The following SUPT3H variants were observed in gnomAD, a reference collection of about 807,000 sequenced individuals.
The protein encoded by SUPT3H is transcription initiation protein SPT3 homolog.
In SUPT3H, 44 loss-of-function variants were observed where a neutral mutation model predicts 44.3. The observed-to-expected ratio is 0.99, with a 90% CI of 0.78 to 1.28. The LOEUF (loss-of-function observed/expected upper bound fraction) is 1.28. Ranked by LOEUF, SUPT3H falls within the 50% of genes most tolerant of loss-of-function variation. The pLI is 0.00. For missense variants in SUPT3H, 380 were observed against 387.1 expected (o/e 0.98, Z 0.15); for synonymous variants, 124 against 125.6 (o/e 0.99, Z 0.09).
chr6:45,118,169 A>T (rs1418851541), intron 2 of SUPT3H, among the ~76,000 whole-genome samples: 1 of 152,090 alleles, frequency 6.6e-6, no homozygotes, highest in Non-Finnish European at 1.5e-5. Flanking sequence ...ACTGAAACTC[A>T]TATTAACCTT....
At chr6:45,359,977 C>T (rs1793959993) in intron 2 of SUPT3H, among the ~76,000 whole-genome samples, 1 of 152,146 alleles carries the variant, frequency 6.6e-6, no homozygotes, top group African/African-American at 2.4e-5. Flanking sequence ...TTACTAATAA[C>T]CGAGCAATCA....
At chr6:45,185,540 A>G (rs1174435769) in intron 2 of SUPT3H, among the ~76,000 whole-genome samples, 2 of 152,346 alleles carry the variant, frequency 1.3e-5, no homozygotes, top group Admixed American at 6.5e-5. Flanking sequence ...ACAGCCTGCC[A>G]TAACTTTAAG....
chr6:44,917,083 G>C (rs1451882124), intron 10 of SUPT3H, among the ~76,000 whole-genome samples: 1 of 152,146 alleles, frequency 6.6e-6, no homozygotes, highest in Non-Finnish European at 1.5e-5. Context: ...GAGCCTGGGA[G>C]GTTGAGGCTG....
intron 2 of SUPT3H, among the ~76,000 whole-genome samples, chr6:45,139,449 G>C (rs917930709): frequency 6.6e-6 from 1 of 152,142 alleles, no homozygotes; most frequent in African/African-American, 2.4e-5. Flanking sequence ...CTCACACCAT[G>C]AGCTTTTGCT....
At position 44,923,149 on chromosome 6, in the gene SUPT3H, G is replaced by A. The variant is rs538103428; in HGVS notation, c.912+9504C>T. Among the ~76,000 whole-genome samples the A allele has an allele frequency of 5.3e-5, 8 of 152,048 alleles. No individual in the cohort carries two copies. The South Asian group carries it at 1.0e-3, about 20-fold the overall frequency. ...TTCTTCCTCTATTCCTCAAGATACA[G>A]TATACCTGTTATAACAAAAATAGAT... is the stretch of plus-strand genomic sequence containing the variant. On this transcript the variant is annotated intron_variant, in intron 10 of 10. Coordinates refer to ENST00000371459, the MANE Select transcript of SUPT3H (RefSeq NM_003599.4).
intron 2 of SUPT3H, among the ~76,000 whole-genome samples, chr6:45,138,557 T>C (rs1461426832): frequency 6.6e-6 from 1 of 152,142 alleles, no homozygotes; most frequent in Non-Finnish European, 1.5e-5. Context: ...AACATGAATG[T>C]CCCTCAAAAA....
At chr6:44,811,959 C>T (rs182109062) in intron 11 of SUPT3H, among the ~76,000 whole-genome samples, 95 of 151,964 alleles carry the variant, frequency 6.3e-4, no homozygotes, top group Non-Finnish European at 1.1e-3. Flanking sequence ...TAATCCTCAT[C>T]CCATAGTACA....
intron 2 of SUPT3H, among the ~76,000 whole-genome samples, chr6:45,329,368 T>C (rs1202369359): frequency 6.6e-6 from 1 of 151,978 alleles, no homozygotes; most frequent in Admixed American, 6.6e-5. Flanking sequence ...CAACTTTATA[T>C]AAGTATACAT....
At chr6:45,114,491 A>G (rs951500073) in intron 2 of SUPT3H, among the ~76,000 whole-genome samples, 12 of 152,110 alleles carry the variant, frequency 7.9e-5, no homozygotes, top group Non-Finnish European at 1.8e-4. Flanking sequence ...AAAAATATAT[A>G]AATCAGAAAA....
intron 10 of SUPT3H, among the ~76,000 whole-genome samples, chr6:44,895,061 C>G (rs1184827756): frequency 2.0e-5 from 3 of 151,906 alleles, no homozygotes; most frequent in African/African-American, 7.2e-5. Flanking sequence ...CCATTCAATA[C>G]TTAAACATTT....
intron 2 of SUPT3H, among the ~76,000 whole-genome samples, chr6:45,114,257 T>C (rs1800514520): frequency 6.6e-6 from 1 of 152,044 alleles, no homozygotes; most frequent in Admixed American, 6.5e-5. Context: ...TTGGAACATA[T>C]CAGTGAACAA....
intron 4 of SUPT3H, among the ~76,000 whole-genome samples, chr6:45,017,685 G>A (rs1306824679): frequency 1.4e-5 from 2 of 147,598 alleles, no homozygotes; most frequent in African/African-American, 5.0e-5. Context: ...TGAGGGCTCT[G>A]TTCTGTTCCA....
At chr6:45,048,446 A>T (rs1479412172) in intron 3 of SUPT3H, among the ~76,000 whole-genome samples, 4 of 152,064 alleles carry the variant, frequency 2.6e-5, no homozygotes. Context: ...TTGCATATGA[A>T]ATAAGAGTCT....
At chr6:45,165,698 T>C (rs541529163) in intron 2 of SUPT3H, among the ~76,000 whole-genome samples, 14 of 151,120 alleles carry the variant, frequency 9.3e-5, no homozygotes, top group Admixed American at 2.0e-4. Flanking sequence ...AAACAGAATA[T>C]CAGAGATAAA....
intron 2 of SUPT3H, among the ~76,000 whole-genome samples, chr6:45,215,978 C>T (rs1199137788): frequency 1.3e-5 from 2 of 152,136 alleles, no homozygotes; most frequent in Non-Finnish European, 2.9e-5. Context: ...CAGGATTTCT[C>T]AGGAGAAATC....
chr6:44,932,643 T>C lies in SUPT3H; in HGVS notation c.912+10A>G. 1 of 1,578,542 alleles carries C rather than the reference T, an allele frequency of 6.3e-7. No individual in the cohort carries two copies. Among genetic ancestry groups the C allele is most frequent in the Non-Finnish European group, 8.7e-7 (1 of 1,155,714 alleles). ...TAAATATAACTTTTTATAACTCTGT[T>C]ATTACGTACTGTGAATGGGGAAAGT... On this transcript the variant is annotated intron_variant, in intron 10 of 10. Transcript: ENST00000371459.
chr6:45,068,481 A>T (rs915381007), intron 3 of SUPT3H, among the ~76,000 whole-genome samples: 1 of 152,116 alleles, frequency 6.6e-6, no homozygotes, highest in African/African-American at 2.4e-5. Context: ...TAAAAAAAAA[A>T]GATAGGGATG....
chr6:45,323,027 A>G, intron 2 of SUPT3H: 1 of 994,760 alleles, frequency 1.0e-6, no homozygotes, highest in Non-Finnish European at 1.5e-6. Context: ...ATACAGACAG[A>G]CATACGATGA....
intron 11 of SUPT3H, among the ~76,000 whole-genome samples, chr6:44,818,884 G>A (rs1318830429): frequency 6.6e-6 from 1 of 152,012 alleles, no homozygotes; most frequent in Non-Finnish European, 1.5e-5. Flanking sequence ...AGTGCCATAT[G>A]GTACATCTAC....
Sources: gnomAD v4.1 joint callset for allele counts (sites outside exome capture counted in the v4.1 genomes callset) on GRCh38, gnomAD v4.1.1 for gene constraint, MANE v1.5 for transcripts, NCBI Gene and HGNC (gene_info 2026-07-23, HGNC 2026-07-21) for gene names.